The following MAP4 variants were observed in gnomAD, a reference collection of about 807,000 sequenced individuals.
The protein encoded by MAP4 is microtubule-associated protein 4.
Under a neutral mutation model 170.2 loss-of-function variants are expected in MAP4, and 76 were observed. The ratio of observed to expected loss-of-function variants is 0.45; its 90% CI spans 0.37 to 0.54. MAP4 has a LOEUF of 0.54. Among genes scored for constraint, MAP4 ranks in the 20% least tolerant of loss-of-function variants. The pLI is 0.00. For missense variants in MAP4, 2,506 were observed against 2,748.0 expected (o/e 0.91, Z 1.97); for synonymous variants, 909 against 994.5 (o/e 0.91, Z 1.62).
intron 1 of MAP4, among the ~76,000 whole-genome samples, chr3:48,064,661 G>A (rs1285821518): frequency 6.6e-6 from 1 of 152,050 alleles, no homozygotes; most frequent in African/African-American, 2.4e-5. Flanking sequence ...TTAACAATGG[G>A]AATACATTCT....
At chr3:47,904,653 C>T (rs976468734) in intron 9 of MAP4, among the ~76,000 whole-genome samples, 2 of 11,410 alleles carry the variant, frequency 1.8e-4, no homozygotes, top group African/African-American at 3.6e-4. Context: ...TTTTTTTGGG[C>T]GGGGGGGCTA....
intron 2 of MAP4, among the ~76,000 whole-genome samples, chr3:47,979,715 C>T (rs1342504376): frequency 6.6e-6 from 1 of 152,180 alleles, no homozygotes; most frequent in African/African-American, 2.4e-5. Context: ...CCTGCTTCGG[C>T]CTCCCAAAGT....
intron 3 of MAP4, among the ~76,000 whole-genome samples, chr3:47,965,217 AT>A (rs2100074147): frequency 6.6e-6 from 1 of 152,198 alleles, no homozygotes; most frequent in African/African-American, 2.4e-5. Context: ...ATGTTGTACC[AT>A]ATCAGAATTT....
At chr3:47,863,454 C>T (rs60214180) in intron 17 of MAP4, among the ~76,000 whole-genome samples, 1,888 of 152,130 alleles carry the variant, frequency 0.012, 44 homozygotes, top group African/African-American at 0.043. Context: ...GAACCATGTG[C>T]GGCGCCTCCT....
intron 10 of MAP4, among the ~76,000 whole-genome samples, chr3:47,888,973 T>C (rs2098128284): frequency 1.3e-5 from 2 of 152,188 alleles, no homozygotes; most frequent in Admixed American, 6.5e-5. Context: ...ATTGTCAGTA[T>C]AGACAAAGAC....
At position 47,857,587 on chromosome 3, in the gene MAP4, ATCT is replaced by A. The variant is rs1040810556; in HGVS notation, c.6502-78_6502-76del. On this transcript the variant is annotated intron_variant, in intron 17 of 20. Transcript: ENST00000683076. ...GAGCCAACCCCATGCTACCTTTTAA[ATCT>A]TCTCCATGTTCAGGGTTTCTCGCTC... is the stretch of plus-strand genomic sequence containing the variant. 1.3e-5 allele frequency: 13 copies of A among 985,290 alleles called. No homozygotes were observed. In the African/African-American group the frequency reaches 1.9e-4, roughly 14 times the overall value. The allele number at this position is 985,290 out of a possible 1,614,324, so 61.0% of individuals were successfully genotyped here. A position where few individuals can be genotyped will look rare whatever the true frequency, so the allele number is the denominator to read the frequency against.
intron 3 of MAP4, among the ~76,000 whole-genome samples, chr3:47,969,138 T>C (rs2100076961): frequency 6.6e-6 from 1 of 152,248 alleles, no homozygotes; most frequent in Non-Finnish European, 1.5e-5. Flanking sequence ...CTAGGTGCAG[T>C]GGCTCACGCC....
At chr3:47,995,129 G>C (rs868745455) in intron 2 of MAP4, among the ~76,000 whole-genome samples, 1 of 151,840 alleles carries the variant, frequency 6.6e-6, no homozygotes, top group South Asian at 2.1e-4. Flanking sequence ...TTCAAAAAAT[G>C]TATGAGTTTC....
intron 3 of MAP4, among the ~76,000 whole-genome samples, chr3:47,932,395 A>G (rs946937903): frequency 6.6e-6 from 1 of 152,174 alleles, no homozygotes; most frequent in Non-Finnish European, 1.5e-5. Flanking sequence ...ACATTCACGT[A>G]CAGGTTTTTG....
In MAP4 at chr3:47,911,593, C is replaced by G; in HGVS notation, c.2828G>C (p.Arg943Thr). ...GAAAGGAGAGCAACCCTCTTTAAGT[C>G]TGATATCCAAAGGGGTTTCTACATT... ...AYNVETPLDI[R>T]LKEGCSPFLD... is the part of the protein sequence containing the mutation. The change falls in exon 9 of 21, where the codon AGA becomes ACA. Residue 943 changes from arginine to threonine, a missense_variant. Arg to Thr is a moderately conservative substitution (Grantham distance 71, BLOSUM62 -1). Coordinates refer to ENST00000683076, the MANE Select transcript of MAP4 (RefSeq NM_001385682.1). The surrounding 1 kb of genome is among the most constrained non-coding windows in gnomAD (Gnocchi z 4.0). The G allele has an allele frequency of 6.5e-7, 1 of 1,536,094 alleles. No individual in the cohort carries two copies. Among genetic ancestry groups the G allele is most frequent in the Non-Finnish European group, 8.7e-7 (1 of 1,146,900 alleles).
intron 3 of MAP4, among the ~76,000 whole-genome samples, chr3:47,944,757 C>G (rs936516728): frequency 6.6e-6 from 1 of 151,570 alleles, no homozygotes; most frequent in African/African-American, 2.4e-5. Context: ...AAGTAAAATC[C>G]AAACTGTTTA....
At chr3:47,868,668 T>C (rs1470948659) in intron 16 of MAP4, among the ~76,000 whole-genome samples, 4 of 152,194 alleles carry the variant, frequency 2.6e-5, no homozygotes, top group African/African-American at 4.8e-5. Flanking sequence ...CTCCAGTTGA[T>C]GCTGCATACC....
At chr3:47,917,994 C>T (rs1005357217) in intron 6 of MAP4, among the ~76,000 whole-genome samples, 1 of 151,946 alleles carries the variant, frequency 6.6e-6, no homozygotes, top group Non-Finnish European at 1.5e-5. Context: ...CCACGCTGAG[C>T]TTATTTATTT....
intron 2 of MAP4, among the ~76,000 whole-genome samples, chr3:47,990,743 C>G (rs903708591): frequency 1.3e-5 from 2 of 152,112 alleles, no homozygotes; most frequent in African/African-American, 4.8e-5. Context: ...TTTTGTCTCC[C>G]TCACCTAGAA....
chr3:48,002,633 C>T (rs985611139), intron 1 of MAP4, among the ~76,000 whole-genome samples: 1 of 151,496 alleles, frequency 6.6e-6, no homozygotes, highest in African/African-American at 2.4e-5. Context: ...GTAACCCCAA[C>T]AATTTGAGAG....
At chr3:47,923,323 C>T (rs1297878273) in intron 4 of MAP4, among the ~76,000 whole-genome samples, 1 of 151,676 alleles carries the variant, frequency 6.6e-6, no homozygotes, top group East Asian at 2.0e-4. Flanking sequence ...CTATACCACC[C>T]TCTTTTTGTA....
At position 47,998,689 on chromosome 3, in the gene MAP4, C is replaced by T. The variant is rs540295427; in HGVS notation, c.172G>A (p.Gly58Arg). The T allele has an allele frequency of 8.7e-6, 14 of 1,614,094 alleles. No homozygotes were observed. In the African/African-American group the frequency reaches 9.3e-5, roughly 11 times the overall value. The change falls in exon 2 of 21, where the codon GGG (glycine) becomes AGG (arginine). Residue 58 changes from glycine (G) to arginine (R), a missense_variant. Transcript: ENST00000683076. ...GGTTTCTTCTTTGACTCTGAGTTCC[C>T]GGTTTTCTCATCAACATCCAGGAGA... ...IPLLDVDEKT[G>R]NSESKKKPCS... is the part of the protein sequence containing the mutation.
intron 1 of MAP4, among the ~76,000 whole-genome samples, chr3:48,009,895 T>TA: frequency 6.6e-6 from 1 of 152,200 alleles, no homozygotes; most frequent in East Asian, 1.9e-4. Flanking sequence ...AACTGGAAGT[T>TA]AAGATTGTCA....
chr3:48,047,664 G>C (rs188225806), intron 1 of MAP4, among the ~76,000 whole-genome samples: 7 of 152,316 alleles, frequency 4.6e-5, no homozygotes, highest in Non-Finnish European at 1.5e-5. Context: ...CATCTGTCAA[G>C]TAGACACAAT....
Sources: allele counts gnomAD v4.1 joint callset (sites outside exome capture counted in the v4.1 genomes callset), GRCh38; gene constraint gnomAD v4.1.1; non-coding constraint Gnocchi (gnomAD v3.1); transcripts MANE v1.5; gene names NCBI Gene and HGNC (gene_info 2026-07-23, HGNC 2026-07-21).